Variants in MALRD1 observed in about 807,000 individuals in gnomAD.
The protein encoded by MALRD1 is MAM and LDL receptor class A domain containing 1.
MALRD1 carries 247 observed loss-of-function variants against 242.1 expected under a neutral mutation model. The ratio of observed to expected loss-of-function variants is 1.02; its 90% CI spans 0.92 to 1.13. The LOEUF is 1.13. Ranked by LOEUF, MALRD1 falls within the 50% of genes most tolerant of loss-of-function variation. MALRD1 has a pLI of 0.00. For synonymous variants in MALRD1, 995 were observed against 866.6 expected (o/e 1.15, Z -2.60); for missense variants, 2,989 against 2,533.1 (o/e 1.18, Z -3.86).
At chr10:19,720,249 CCAA>C (rs1834681048) in intron 38 of MALRD1, among the ~76,000 whole-genome samples, 2 of 152,156 alleles carry the variant, frequency 1.3e-5, no homozygotes, top group Non-Finnish European at 1.5e-5. Flanking sequence ...TCCCTCCTTG[CCAA>C]CACTTTCTGG....
chr10:19,505,285 T>C (rs61841369), intron 31 of MALRD1, among the ~76,000 whole-genome samples: 13,820 of 152,246 alleles, frequency 0.091, 660 homozygotes, highest in South Asian at 0.11. Context: ...CCTCCAGAAT[T>C]CCTAGGTTGA....
chr10:19,328,029 A>G (rs1343253011), intron 23 of MALRD1, among the ~76,000 whole-genome samples: 1 of 152,152 alleles, frequency 6.6e-6, no homozygotes, highest in Non-Finnish European at 1.5e-5. Context: ...AATTTAAAAG[A>G]TAGTCTTTGG....
intron 2 of MALRD1, among the ~76,000 whole-genome samples, chr10:19,078,244 G>A (rs763304128): frequency 6.6e-6 from 1 of 151,768 alleles, no homozygotes; most frequent in Non-Finnish European, 1.5e-5. Context: ...TTGGTGTGCT[G>A]CACCCATTCA....
rs551006856 is a variant in MALRD1 at position 19,734,241 on chromosome 10, C to T, written c.*4C>T. 6.5e-7 allele frequency: 1 copy of T among 1,532,922 alleles called. No homozygotes were observed. The highest frequency in any genetic ancestry group is 1.4e-5 in the African/African-American group (1 of 73,046). The allele number at this position is 1,532,922 out of a possible 1,614,324, so 95.0% of individuals were successfully genotyped here. On this transcript the variant is annotated 3_prime_UTR_variant, in exon 40 of 40. Coordinates refer to ENST00000454679, the MANE Select transcript of MALRD1 (RefSeq NM_001142308.3). ...CCTGTCACATCATCTCAAATAGCAG[C>T]ATCGAGACCAAGTCTGATCCAACAT... is the stretch of plus-strand genomic sequence containing the variant.
chr10:19,493,002 A>G (rs1837557985), intron 30 of MALRD1, among the ~76,000 whole-genome samples: 1 of 152,190 alleles, frequency 6.6e-6, no homozygotes, highest in Non-Finnish European at 1.5e-5. Context: ...GTGGTAAAAA[A>G]CACATAATAA....
intron 1 of MALRD1, among the ~76,000 whole-genome samples, chr10:19,060,382 C>T (rs1029612084): frequency 3.3e-5 from 5 of 152,244 alleles, no homozygotes; most frequent in Non-Finnish European, 2.9e-5. Flanking sequence ...GCTTAACCAT[C>T]GACACAAGGT....
At chr10:19,730,457 T>C in intron 38 of MALRD1, 1 of 519,768 alleles carries the variant, frequency 1.9e-6, no homozygotes, top group Non-Finnish European at 3.5e-6. Context: ...TTCTTTTATT[T>C]GCCTGAGTTT....
At chr10:19,404,303 A>G (rs945597523) in intron 28 of MALRD1, among the ~76,000 whole-genome samples, 33 of 152,142 alleles carry the variant, frequency 2.2e-4, no homozygotes, top group African/African-American at 7.5e-4. Flanking sequence ...ATTAGGAAAA[A>G]ATCTCGTACA....
chr10:19,491,348 C>A, intron 29 of MALRD1, 169 bp from the exon 30 acceptor site: 1 of 797,076 alleles, frequency 1.3e-6, no homozygotes, highest in East Asian at 3.1e-5. Context: ...CTTGCTGAAC[C>A]ATTGAAGGTG....
chr10:19,071,778 A>G (rs1835155803), intron 2 of MALRD1, among the ~76,000 whole-genome samples: 1 of 152,138 alleles, frequency 6.6e-6, no homozygotes, highest in South Asian at 2.1e-4. Context: ...GAAAGACCAA[A>G]CATGGAGACA....
Position 19,385,304 on chromosome 10 carries a change from G to A in MALRD1, c.4442-2224G>A, listed in dbSNP as rs530994521. Among the ~76,000 whole-genome samples, 3 of 152,160 alleles carry A rather than the reference G, an allele frequency of 2.0e-5. No individual in the cohort carries two copies. The South Asian group carries it at 6.2e-4, about 32-fold the overall frequency. On this transcript the variant is annotated intron_variant, in intron 26 of 39. Coordinates refer to ENST00000454679, the MANE Select transcript of MALRD1 (RefSeq NM_001142308.3). ...ATGTTCTCTTCAATTTTTTGGAAGA[G>A]TTTGAGAAGGATTAATGGCAATTCT...
At chr10:19,547,548 A>G (rs1437839654) in intron 32 of MALRD1, among the ~76,000 whole-genome samples, 1 of 151,744 alleles carries the variant, frequency 6.6e-6, no homozygotes, top group Middle Eastern at 3.2e-3. Context: ...CCAGCTTCTC[A>G]TAATGAAATT....
chr10:19,606,028 G>A (rs1041352111), intron 34 of MALRD1, among the ~76,000 whole-genome samples: 1 of 152,016 alleles, frequency 6.6e-6, no homozygotes, highest in African/African-American at 2.4e-5. Flanking sequence ...TTCAGTCAAT[G>A]GAGATACATA....
chr10:19,549,437 A>G (rs1278349060), intron 32 of MALRD1, among the ~76,000 whole-genome samples: 1 of 152,190 alleles, frequency 6.6e-6, no homozygotes, highest in Non-Finnish European at 1.5e-5. Flanking sequence ...AGAAATTACC[A>G]CAACCACTCC....
chr10:19,334,062 C>T (rs903697172), intron 24 of MALRD1, among the ~76,000 whole-genome samples: 2 of 141,000 alleles, frequency 1.4e-5, no homozygotes, highest in Admixed American at 1.5e-4. Context: ...TGTATGTATG[C>T]GTAGTCTGTG....
chr10:19,616,696 G>T (rs1839173575), intron 36 of MALRD1, among the ~76,000 whole-genome samples: 1 of 151,912 alleles, frequency 6.6e-6, no homozygotes. Flanking sequence ...ATGATTAATA[G>T]TTGTTTGAGT....
At chr10:19,073,524 T>C (rs1288684825) in intron 2 of MALRD1, among the ~76,000 whole-genome samples, 2 of 152,126 alleles carry the variant, frequency 1.3e-5, no homozygotes, top group African/African-American at 4.8e-5. Flanking sequence ...GCCTTTGGTT[T>C]CTGATGGTTT....
chr10:19,489,305 GA>G, intron 29 of MALRD1: 1 of 512,258 alleles, frequency 2.0e-6, no homozygotes, highest in Non-Finnish European at 4.0e-6. Context: ...GGCTAACCAC[GA>G]AAGTAAAGAA....
At chr10:19,234,386 G>T (rs898636457) in intron 18 of MALRD1, among the ~76,000 whole-genome samples, 7 of 150,302 alleles carry the variant, frequency 4.7e-5, no homozygotes, top group Non-Finnish European at 1.0e-4. Flanking sequence ...AAACATTTAA[G>T]ATCACAGTTT....
Sources: allele counts gnomAD v4.1 joint callset (sites outside exome capture counted in the v4.1 genomes callset), GRCh38; gene constraint gnomAD v4.1.1; transcripts MANE v1.5; gene names NCBI Gene and HGNC (gene_info 2026-07-23, HGNC 2026-07-21).